Variants in PTRH1 observed in about 807,000 individuals in gnomAD.
PTRH1 encodes the protein peptidyl-tRNA hydrolase.
Under a neutral mutation model 15.7 loss-of-function variants are expected in PTRH1, and 13 were observed. The observed-to-expected ratio is 0.83, with a 90% CI of 0.54 to 1.31. The LOEUF is 1.31. PTRH1 is among the 40% of genes most tolerant of loss of function. The pLI, the probability that PTRH1 is intolerant of heterozygous loss-of-function variation, is 0.00. For missense variants in PTRH1, 319 were observed against 296.2 expected (o/e 1.08, Z -0.56); for synonymous variants, 139 against 136.7 (o/e 1.02, Z -0.12).
At chr9:127,701,497 A>G (rs1842603026) in intron 1 of PTRH1, among the ~76,000 whole-genome samples, 2 of 152,258 alleles carry the variant, frequency 1.3e-5, no homozygotes, top group Non-Finnish European at 2.9e-5. Flanking sequence ...GACAGGCTCC[A>G]GCCCAAGGAT....
downstream of PTRH1, among the ~76,000 whole-genome samples, chr9:127,711,013 A>C (rs1685628928): frequency 6.6e-6 from 1 of 152,188 alleles, no homozygotes; most frequent in South Asian, 2.1e-4. Context: ...GGATTAAATC[A>C]TGTTACTTAA....
At chr9:127,706,840 G>A (rs1393440551) in intron 1 of PTRH1, 4 of 596,670 alleles carry the variant, frequency 6.7e-6, no homozygotes, top group Non-Finnish European at 8.4e-6. Flanking sequence ...CATGGCCTGG[G>A]ACTCCTGGGC....
Position 127,695,095 on chromosome 9 carries a change from G to GATGGTGA in PTRH1, c.251_252insTCACCAT (p.His87ProfsTer60), listed in dbSNP as rs1564361247. ...GATGATGATGATGATGATGATGATG[G>GATGGTGA]TGATGATGATGATGCTGCTGCTGTT... On this transcript the variant is annotated frameshift_variant, in exon 2 of 3. Transcript: ENST00000335223. LOFTEE classifies it high-confidence loss of function. 6.4e-6 allele frequency: 3 copies of GATGGTGA among 470,946 alleles called. No homozygotes were observed. The highest frequency in any genetic ancestry group is 7.4e-6 in the Non-Finnish European group (2 of 268,664). 29.2% of individuals were successfully genotyped at this position (470,946 alleles called of 1,614,324 possible).
At chr9:127,708,126 G>A (rs1227677273) in intron 1 of PTRH1, among the ~76,000 whole-genome samples, 1 of 152,160 alleles carries the variant, frequency 6.6e-6, no homozygotes, top group Non-Finnish European at 1.5e-5. Context: ...CCCCACCCCT[G>A]AAATGCTCTG....
chr9:127,710,043 C>A (rs550670971), downstream of PTRH1, among the ~76,000 whole-genome samples: 4 of 152,098 alleles, frequency 2.6e-5, no homozygotes, highest in Admixed American at 6.6e-5. Context: ...GAGGCCAAGG[C>A]GGGAGGATTG....
Position 127,714,013 on chromosome 9 carries a change from G to A in PTRH1, c.*87C>T. On this transcript the variant is annotated 3_prime_UTR_variant, in exon 5 of 5. Coordinates refer to ENST00000543175, the MANE Select transcript of PTRH1 (RefSeq NM_001002913.3). ...AGTCTAGAGGAGATTTGTATAAAAA[G>A]TAGATACCAAGGCTGGCGTGGCAGC... is the stretch of plus-strand genomic sequence containing the variant. 6.3e-7 allele frequency: 1 copy of A among 1,583,176 alleles called. No homozygotes were observed. Among genetic ancestry groups the A allele is most frequent in the East Asian group, 2.2e-5 (1 of 44,614 alleles).
At chr9:127,712,121 T>C (rs988782509), downstream of PTRH1, 145 of 1,564,574 alleles carry the variant, frequency 9.3e-5, 1 homozygote, top group Non-Finnish European at 1.2e-4. Flanking sequence ...TGGAGAGAAA[T>C]GGCAGGGCCC....
At chr9:127,713,450 A>T, downstream of PTRH1, 5 of 344,360 alleles carry the variant, frequency 1.5e-5, no homozygotes, top group East Asian at 5.5e-5. Flanking sequence ...GCAGGGAAAG[A>T]GTGGGATCCC....
chr9:127,715,083 G>A lies in PTRH1; in HGVS notation c.208C>T (p.Arg70Trp), dbSNP rs754107134. 376 of 1,531,740 alleles carry A rather than the reference G, an allele frequency of 2.5e-4. 1 individual carries two copies. The highest frequency in any genetic ancestry group is 4.7e-4 in the Admixed American group (24 of 50,808). 94.9% of individuals were successfully genotyped at this position (1,531,740 alleles called of 1,614,324 possible). A position where few individuals can be genotyped will look rare whatever the true frequency, so the allele number is the denominator to read the frequency against. The change falls in exon 2 of 5, where the codon CGG (arginine) becomes TGG (tryptophan). Residue 70 changes from arginine (R) to tryptophan (W), a missense_variant. Transcript: ENST00000543175. The surrounding 1 kb of genome is among the most constrained non-coding windows in gnomAD (Gnocchi z 5.8). Reference sequence around the variant, plus strand: ...AGGGCGAGGTCGGCGGCACAGTGCCGGTCGCGCGTCCAACTCTCCGCCACA... The same window carrying A: ...AGGGCGAGGTCGGCGGCACAGTGCCAGTCGCGCGTCCAACTCTCCGCCACA... ...LGVAESWTRDRHCAADLALAP... is the reference protein window; with the variant it reads ...LGVAESWTRDWHCAADLALAP...
At chr9:127,713,545 C>T (rs575070698), downstream of PTRH1, 1 of 222,216 alleles carries the variant, frequency 4.5e-6, no homozygotes, top group East Asian at 1.0e-4. Context: ...CTCACTCTGT[C>T]ACCCAGACTG....
chr9:127,715,645 C>T lies in PTRH1; in HGVS notation c.-6G>A, dbSNP rs577113179. 1.8e-5 allele frequency: 29 copies of T among 1,610,960 alleles called. No individual in the cohort carries two copies. The Admixed American group carries it at 2.2e-4, about 12-fold the overall frequency. ...AAAAAGCCGCCCGGCCTCATGCTGC[C>T]CCCATTCACTCCGACACCGCCCCCT... On this transcript the variant is annotated 5_prime_UTR_variant, in exon 1 of 5. Transcript: ENST00000543175. The surrounding 1 kb of genome is among the most constrained non-coding windows in gnomAD (Gnocchi z 5.8).
chr9:127,714,445 G>A (rs760191334), intron 3 of PTRH1, 21 bp from the exon 4 acceptor site: 26 of 1,613,514 alleles, frequency 1.6e-5, no homozygotes, highest in Non-Finnish European at 1.8e-5. Context: ...TATGGGAGGG[G>A]CAGTTAGTGC....
intron 1 of PTRH1, among the ~76,000 whole-genome samples, chr9:127,698,036 A>T (rs938513484): frequency 5.9e-5 from 9 of 152,226 alleles, no homozygotes; most frequent in Non-Finnish European, 1.2e-4. Context: ...TGCAAATCAC[A>T]TATCTGATAA....
intron 1 of PTRH1, among the ~76,000 whole-genome samples, chr9:127,701,252 CT>C (rs1842601202): frequency 6.6e-6 from 1 of 152,318 alleles, no homozygotes; most frequent in African/African-American, 2.4e-5. Context: ...GCCTCCTCTC[CT>C]TTCCCAAATT....
intron 1 of PTRH1, among the ~76,000 whole-genome samples, chr9:127,700,218 C>T (rs1842593738): frequency 2.0e-5 from 3 of 152,198 alleles, no homozygotes; most frequent in African/African-American, 7.2e-5. Flanking sequence ...TGCCCGCTCC[C>T]TCCTTCTCTC....
chr9:127,710,872 C>T, downstream of PTRH1: 1 of 1,138,054 alleles, frequency 8.8e-7, no homozygotes. Flanking sequence ...CTGACCGCCG[C>T]CCCGACAACC....
downstream of PTRH1, chr9:127,712,335 C>T (rs769864833): frequency 5.0e-6 from 8 of 1,613,890 alleles, no homozygotes; most frequent in Non-Finnish European, 6.8e-6. Flanking sequence ...CTCCTTCCTA[C>T]AGAACATTCT....
chr9:127,711,850 GAGC>G (rs1842772692), downstream of PTRH1: 3 of 1,576,798 alleles, frequency 1.9e-6, no homozygotes, highest in African/African-American at 2.7e-5. Flanking sequence ...GAAGTGCCAG[GAGC>G]AGCAGCAGGA....
chr9:127,714,508 GC>G, intron 3 of PTRH1, 84 bp from the exon 4 acceptor site: 1 of 1,598,280 alleles, frequency 6.3e-7, no homozygotes, highest in Non-Finnish European at 8.6e-7. Context: ...GGTCAGAGCA[GC>G]CCATTTCCTG....
Sources: gnomAD v4.1 joint callset for allele counts (sites outside exome capture counted in the v4.1 genomes callset) on GRCh38, gnomAD v4.1.1 for gene constraint, Gnocchi (gnomAD v3.1) non-coding constraint, MANE v1.5 for transcripts, NCBI Gene and HGNC (gene_info 2026-07-23, HGNC 2026-07-21) for gene names.